MED13L: variants seen among roughly 807,000 people sequenced by gnomAD.
MED13L encodes the protein mediator complex subunit 13L, also known as mediator of RNA polymerase II transcription subunit 13-like.
MED13L carries 7 observed loss-of-function variants against 220.9 expected under a neutral mutation model. That is an observed-to-expected ratio of 0.03 (90% CI 0.02 to 0.06). The LOEUF (loss-of-function observed/expected upper bound fraction) is 0.06, where lower values mean the gene tolerates loss of function less well. Ranked by LOEUF, MED13L falls within the 10% of genes least tolerant of loss-of-function variation. The probability of loss-of-function intolerance (pLI) is 1.00; values close to 1 mark genes in which losing one functional copy is unlikely to be tolerated. For synonymous variants in MED13L, 1,011 were observed against 1,015.2 expected (o/e 1.00, Z 0.08); for missense variants, 1,965 against 2,760.5 (o/e 0.71, Z 6.46).
At chr12:116,162,330 T>C (rs1044016577) in intron 2 of MED13L, among the ~76,000 whole-genome samples, 2 of 152,216 alleles carry the variant, frequency 1.3e-5, no homozygotes, top group African/African-American at 4.8e-5. Context: ...TGTGATTCTA[T>C]TAGAATGGAG....
chr12:116,069,860 T>C (rs1870234897), intron 4 of MED13L, among the ~76,000 whole-genome samples: 1 of 152,210 alleles, frequency 6.6e-6, no homozygotes. Context: ...GTATAGGAAA[T>C]GCAAATGAAT....
At chr12:116,182,899 C>T (rs1462451538) in intron 2 of MED13L, among the ~76,000 whole-genome samples, 40 of 152,184 alleles carry the variant, frequency 2.6e-4, no homozygotes, top group Admixed American at 2.6e-3. Flanking sequence ...TCATGTGCTA[C>T]ACAAAGGTAT....
At chr12:116,119,615 T>C (rs1874824528) in intron 2 of MED13L, among the ~76,000 whole-genome samples, 1 of 151,572 alleles carries the variant, frequency 6.6e-6, no homozygotes, top group Non-Finnish European at 1.5e-5. Context: ...GATCAAGTGG[T>C]AGGATTGCAA....
chr12:116,256,927 G>T (rs369871109), intron 1 of MED13L, among the ~76,000 whole-genome samples: 43 of 151,956 alleles, frequency 2.8e-4, no homozygotes, highest in African/African-American at 9.9e-4. Context: ...CGCCCACCTC[G>T]GCCTCCCAAA....
intron 4 of MED13L, among the ~76,000 whole-genome samples, chr12:116,090,661 T>C (rs1872123437): frequency 2.0e-5 from 3 of 152,190 alleles, no homozygotes; most frequent in Admixed American, 2.0e-4. Flanking sequence ...TCCCAAAGGA[T>C]TCACTAGGTC....
At chr12:115,975,814 T>A in intron 23 of MED13L, 76 bp from the exon 24 acceptor site, 1 of 1,379,086 alleles carries the variant, frequency 7.3e-7, no homozygotes, top group Admixed American at 1.8e-5. Flanking sequence ...AGAACGACAC[T>A]GAGGGGACCC....
At position 115,987,198 on chromosome 12, in the gene MED13L, C is replaced by A. The variant is rs1157874688; in HGVS notation, c.4025G>T (p.Arg1342Leu). The change falls in exon 18 of 31, where the codon CGC becomes CTC. Residue 1342 changes from arginine (R) to leucine (L), a missense_variant. Physicochemically the swap from Arg to Leu is moderately radical, Grantham distance 102. Transcript: ENST00000281928. ...GATGTTCTCCCAGGTCCTGCCCGTG[C>A]GCTTCTTTTGGATGGCATCTTGGAG... ...PFLQDAIQKKRTGRTWENIQH... is the reference protein window; with the variant it reads ...PFLQDAIQKKLTGRTWENIQH... 6.2e-7 allele frequency: 1 copy of A among 1,613,952 alleles called. No homozygotes were observed.
chr12:116,247,283 T>C lies in MED13L; in HGVS notation c.73-9578A>G, dbSNP rs1021167999. 3.3e-5 allele frequency among the ~76,000 whole-genome samples: 5 copies of C among 152,030 alleles called. No individual in the cohort carries two copies. The East Asian group carries it at 5.8e-4, about 18-fold the overall frequency. ...AACAAAATTAATCAAAATGGGGTAA[T>C]AGAATGTAAAGCTACTAATATTGAG... On this transcript the variant is annotated intron_variant, in intron 1 of 30. Transcript: ENST00000281928.
At chr12:116,185,176 A>C (rs1221380982) in intron 2 of MED13L, among the ~76,000 whole-genome samples, 1 of 152,202 alleles carries the variant, frequency 6.6e-6, no homozygotes, top group Non-Finnish European at 1.5e-5. Flanking sequence ...TTATTTAATC[A>C]AGGTTTGAAA....
chr12:116,255,801 A>G (rs376502262), intron 1 of MED13L, among the ~76,000 whole-genome samples: 1 of 152,264 alleles, frequency 6.6e-6, no homozygotes, highest in Admixed American at 6.5e-5. Context: ...ACAAACTGAA[A>G]TAAGTTACTA....
In MED13L at chr12:116,031,749, AGAAAAGAAAAGAAGGAAG is replaced by A. The variant is rs1566020836; in HGVS notation, c.480-9166_480-9149del. Among the ~76,000 whole-genome samples the A allele has an allele frequency of 3.9e-4, 21 of 53,560 alleles. No homozygotes were observed. The East Asian group carries it at 6.8e-3, about 17-fold the overall frequency. 35.1% of individuals were successfully genotyped at this position (53,560 alleles called of 152,430 possible). On this transcript the variant is annotated intron_variant, in intron 4 of 30. Transcript: ENST00000281928. ...AGAAAAGAAAAGAAAAGAAAAGAAA[AGAAAAGAAAAGAAGGAAG>A]GAAGGAAGGAAGGAAGGAAGGAAGG... is the stretch of plus-strand genomic sequence containing the variant.
At chr12:116,242,612 C>G (rs1208786251) in intron 1 of MED13L, among the ~76,000 whole-genome samples, 1 of 152,100 alleles carries the variant, frequency 6.6e-6, no homozygotes, top group African/African-American at 2.4e-5. Flanking sequence ...CCACCAACAT[C>G]ATTATTTACC....
Position 115,961,034 on chromosome 12 carries a change from T to A in MED13L, c.*232A>T, listed in dbSNP as rs1408074773. ...GGGCTACACACACCACCGCACTGGC[T>A]GAAAGTCACCACTTATGGAAGTTTC... On this transcript the variant is annotated 3_prime_UTR_variant, in exon 31 of 31. Coordinates refer to ENST00000281928, the MANE Select transcript of MED13L (RefSeq NM_015335.5). 2 of 588,074 alleles carry A rather than the reference T, an allele frequency of 3.4e-6. No homozygotes were observed. The highest frequency in any genetic ancestry group is 3.7e-5 in the African/African-American group (2 of 54,212). 36.4% of individuals were successfully genotyped at this position (588,074 alleles called of 1,614,324 possible).
In MED13L at chr12:116,076,082, T is replaced by G. The variant is rs930258406; in HGVS notation, c.479+20587A>C. On this transcript the variant is annotated intron_variant, in intron 4 of 30. Coordinates refer to ENST00000281928, the MANE Select transcript of MED13L (RefSeq NM_015335.5). ...GCGCCCGCTACCACGCCCGGCTAAT[T>G]TTTTGTATTTTTAGTAGAGACGGGG... Among the ~76,000 whole-genome samples the G allele has an allele frequency of 2.6e-5, 4 of 151,912 alleles. 1 individual carries two copies. Among genetic ancestry groups the G allele is most frequent in the Admixed American group, 2.0e-4 (3 of 15,256 alleles).
chr12:116,196,060 T>C (rs1881607048), intron 2 of MED13L, among the ~76,000 whole-genome samples: 1 of 151,982 alleles, frequency 6.6e-6, no homozygotes, highest in Non-Finnish European at 1.5e-5. Flanking sequence ...GGTTCAATGA[T>C]ATATTTAACA....
At position 116,263,552 on chromosome 12, in the gene MED13L, A is replaced by G. The variant is rs180992857; in HGVS notation, c.72+13508T>C. 5.9e-5 allele frequency among the ~76,000 whole-genome samples: 9 copies of G among 152,362 alleles called. No homozygotes were observed. In the East Asian group the frequency reaches 1.7e-3, roughly 29 times the overall value. On this transcript the variant is annotated intron_variant, in intron 1 of 30. Coordinates refer to ENST00000281928, the MANE Select transcript of MED13L (RefSeq NM_015335.5). ...TCTCCAACTGTGGAAGAAATTACTG[A>G]GACAACATGTGTGGGCTAGCTACTA...
chr12:116,251,740 G>A (rs1441030373), intron 1 of MED13L, among the ~76,000 whole-genome samples: 1 of 150,052 alleles, frequency 6.7e-6, no homozygotes, highest in Non-Finnish European at 1.5e-5. Context: ...CAGCCTGAGA[G>A]ACAGAGCAAG....
chr12:116,012,971 G>A (rs1300839226), intron 8 of MED13L, 70 bp from the exon 9 acceptor site: 4 of 1,104,290 alleles, frequency 3.6e-6, no homozygotes, highest in Non-Finnish European at 5.5e-6. Flanking sequence ...AAATGTTCAA[G>A]AGTTGAATAC....
chr12:115,977,850 C>G (rs1004875079), intron 23 of MED13L, among the ~76,000 whole-genome samples: 1 of 152,000 alleles, frequency 6.6e-6, no homozygotes, highest in African/African-American at 2.4e-5. Flanking sequence ...AAAAATTTAG[C>G]GAGGCACGGT....
Sources: allele counts gnomAD v4.1 joint callset (sites outside exome capture counted in the v4.1 genomes callset), GRCh38; gene constraint gnomAD v4.1.1; transcripts MANE v1.5; gene names NCBI Gene and HGNC (gene_info 2026-07-23, HGNC 2026-07-21).